KDM4B: variants seen among roughly 807,000 people sequenced by gnomAD.
KDM4B encodes lysine demethylase 4B.
KDM4B carries 32 observed loss-of-function variants against 125.2 expected under a neutral mutation model. That is an observed-to-expected ratio of 0.26 (90% CI 0.19 to 0.34). KDM4B has a LOEUF of 0.34. Among genes scored for constraint, KDM4B ranks in the 10% least tolerant of loss-of-function variants. KDM4B has a pLI of 1.00. For missense variants in KDM4B, 1,190 were observed against 1,577.7 expected (o/e 0.75, Z 4.16); for synonymous variants, 721 against 677.9 (o/e 1.06, Z -0.99).
chr19:5,041,301 G>T, intron 5 of KDM4B, 50 bp downstream of exon 5: 1 of 1,431,724 alleles, frequency 7.0e-7, no homozygotes. Flanking sequence ...CTGGTGGGTG[G>T]TGGTGGGAGG....
chr19:5,042,554 A>G (rs769063902), intron 5 of KDM4B, among the ~76,000 whole-genome samples: 9 of 152,072 alleles, frequency 5.9e-5, no homozygotes, highest in Non-Finnish European at 1.2e-4. Flanking sequence ...GTGAATAAAG[A>G]AAAGGTTTAA....
chr19:5,120,680 G>A (rs2039344340), intron 11 of KDM4B, among the ~76,000 whole-genome samples: 1 of 152,226 alleles, frequency 6.6e-6, no homozygotes, highest in Admixed American at 6.5e-5. Context: ...TCTGGTGACT[G>A]GGTTTTATCT....
At chr19:5,147,374 C>A (rs1036388316) in intron 21 of KDM4B, among the ~76,000 whole-genome samples, 2 of 152,196 alleles carry the variant, frequency 1.3e-5, no homozygotes, top group Admixed American at 6.5e-5. Context: ...GGATCATTGT[C>A]ATGTCACCAG....
chr19:5,135,224 C>A (rs867645089), intron 14 of KDM4B, 115 bp from the exon 15 acceptor site: 2 of 678,930 alleles, frequency 2.9e-6, no homozygotes, highest in South Asian at 1.9e-5. Context: ...CGACCTCCCC[C>A]TCCAGAGCCA....
At chr19:5,149,443 C>T (rs944856440) in intron 21 of KDM4B, among the ~76,000 whole-genome samples, 1 of 152,192 alleles carries the variant, frequency 6.6e-6, no homozygotes, top group African/African-American at 2.4e-5. Flanking sequence ...TAGCTGGGAC[C>T]ACAGGCACAT....
rs2038291540 is a variant in KDM4B at position 5,081,449 on chromosome 19, A to G, written c.781-918A>G. On this transcript the variant is annotated intron_variant, in intron 8 of 22. Transcript: ENST00000159111. This position sits in a 1 kb window ranked among gnomAD's most constrained non-coding sequence, Gnocchi z 4.2. Reference sequence around the variant, plus strand: ...CTAGGGCACAAGGCTGTAGCCCCCCAGCCCTGGTAGGCAGCCCTGCCTTTT... The same window carrying G: ...CTAGGGCACAAGGCTGTAGCCCCCCGGCCCTGGTAGGCAGCCCTGCCTTTT... 1.3e-5 allele frequency among the ~76,000 whole-genome samples: 2 copies of G among 152,158 alleles called. No homozygotes were observed.
chr19:5,116,627 C>T (rs922043489), intron 10 of KDM4B, among the ~76,000 whole-genome samples: 4 of 152,108 alleles, frequency 2.6e-5, no homozygotes, highest in African/African-American at 9.7e-5. Flanking sequence ...AGGGGACACC[C>T]TGCATAGGAG....
chr19:5,099,382 C>T (rs1312019321), intron 9 of KDM4B, among the ~76,000 whole-genome samples: 1 of 152,186 alleles, frequency 6.6e-6, no homozygotes. Context: ...GCTTATATAC[C>T]ATAGGGAAGG....
Position 5,023,096 on chromosome 19 carries a change from G to A in KDM4B, c.-26+6757G>A, listed in dbSNP as rs564055869. Among the ~76,000 whole-genome samples, 24 of 152,252 alleles carry A rather than the reference G, an allele frequency of 1.6e-4. 1 individual carries two copies. In the South Asian group the frequency reaches 5.0e-3, roughly 32 times the overall value. ...GAGATGACCCTGGATGATCTGGGGA[G>A]CCCGATGTCCTCACCGGGTCCTCAT... On this transcript the variant is annotated intron_variant, in intron 2 of 22. Coordinates refer to ENST00000159111, the MANE Select transcript of KDM4B (RefSeq NM_015015.3).
At chr19:5,135,593 C>T (rs774085034) in intron 15 of KDM4B, 32 bp downstream of exon 15, 17 of 1,523,164 alleles carry the variant, frequency 1.1e-5, no homozygotes, top group East Asian at 4.8e-5. Flanking sequence ...AGAGGAGCTG[C>T]GCCCTCCTTC....
chr19:5,097,200 A>T (rs2038845286), intron 9 of KDM4B, among the ~76,000 whole-genome samples: 1 of 152,130 alleles, frequency 6.6e-6, no homozygotes, highest in Admixed American at 6.5e-5. Context: ...ATGTAGTAAA[A>T]GGCTGTAAAG....
chr19:5,099,505 T>G (rs1281914516), intron 9 of KDM4B, among the ~76,000 whole-genome samples: 1 of 152,218 alleles, frequency 6.6e-6, no homozygotes, highest in East Asian at 1.9e-4. Context: ...GTAGATGAAC[T>G]GGAAATCTCA....
chr19:5,111,057 CG>C (rs1410989840), intron 10 of KDM4B, among the ~76,000 whole-genome samples: 1 of 152,172 alleles, frequency 6.6e-6, no homozygotes, highest in Admixed American at 6.5e-5. Context: ...TCTGCTCTGG[CG>C]GGCAGCGTCT....
intron 1 of KDM4B, among the ~76,000 whole-genome samples, chr19:5,006,177 G>A (rs1393810325): frequency 6.6e-6 from 1 of 152,012 alleles, no homozygotes; most frequent in African/African-American, 2.4e-5. Context: ...CCCTCTTCAT[G>A]CCTGGCTCCC....
intron 9 of KDM4B, among the ~76,000 whole-genome samples, chr19:5,095,609 C>A (rs2038804873): frequency 6.6e-6 from 1 of 152,244 alleles, no homozygotes; most frequent in South Asian, 2.1e-4. Context: ...GACGCCCCCA[C>A]AGTGTGGATC....
At chr19:5,127,206 C>T (rs142228294) in intron 11 of KDM4B, among the ~76,000 whole-genome samples, 1 of 152,194 alleles carries the variant, frequency 6.6e-6, no homozygotes, top group African/African-American at 2.4e-5. Context: ...GTCCTGAAGC[C>T]CCTCACCCGC....
chr19:4,989,733 A>T (rs1282906152), intron 1 of KDM4B, among the ~76,000 whole-genome samples: 3 of 150,266 alleles, frequency 2.0e-5, no homozygotes, highest in African/African-American at 7.4e-5. Flanking sequence ...GCTCACTGCA[A>T]CCTCTGCCTT....
At chr19:4,970,218 G>C (rs892224123) in intron 1 of KDM4B, among the ~76,000 whole-genome samples, 9 of 152,238 alleles carry the variant, frequency 5.9e-5, no homozygotes, top group African/African-American at 1.4e-4. Flanking sequence ...CCGCCCCTGG[G>C]GGCAGTGGAG....
At chr19:5,128,630 C>T (rs1186221950) in intron 11 of KDM4B, among the ~76,000 whole-genome samples, 1 of 152,194 alleles carries the variant, frequency 6.6e-6, no homozygotes, top group Non-Finnish European at 1.5e-5. Flanking sequence ...GGCGTGCGGC[C>T]TCTGCAGCCT....
Sources: allele counts gnomAD v4.1 joint callset (sites outside exome capture counted in the v4.1 genomes callset), GRCh38; gene constraint gnomAD v4.1.1; non-coding constraint Gnocchi (gnomAD v3.1); transcripts MANE v1.5; gene names NCBI Gene and HGNC (gene_info 2026-07-23, HGNC 2026-07-21).